APPL2: variants seen among roughly 807,000 people sequenced by gnomAD.
APPL2 encodes the protein DCC-interacting protein 13-beta.
APPL2 carries 84 observed loss-of-function variants against 92.7 expected under a neutral mutation model. That is an observed-to-expected ratio of 0.91 (90% CI 0.76 to 1.09). APPL2 has a LOEUF of 1.09. Among genes scored for constraint, APPL2 ranks in the 50% least tolerant of loss-of-function variants. The pLI, the probability that APPL2 is intolerant of heterozygous loss-of-function variation, is 0.00. For synonymous variants in APPL2, 291 were observed against 291.0 expected, an observed-to-expected ratio of 1.00 and a Z score of 0.00; for missense variants, 736 against 824.5, an observed-to-expected ratio of 0.89 and a Z score of 1.31.
At chr12:105,206,182 C>T (rs1004089411) in intron 8 of APPL2, among the ~76,000 whole-genome samples, 10 of 152,262 alleles carry the variant, frequency 6.6e-5, no homozygotes, top group African/African-American at 1.7e-4. Context: ...ATGACACTGA[C>T]GTGAAGTTTT....
intron 16 of APPL2, among the ~76,000 whole-genome samples, chr12:105,188,749 G>C (rs1295580262): frequency 6.6e-6 from 1 of 152,160 alleles, no homozygotes; most frequent in Non-Finnish European, 1.5e-5. Flanking sequence ...TGACTACATT[G>C]TACCTTTTCT....
intron 20 of APPL2, among the ~76,000 whole-genome samples, chr12:105,174,772 A>C (rs1158932206): frequency 6.6e-6 from 1 of 151,820 alleles, no homozygotes; most frequent in East Asian, 1.9e-4. Flanking sequence ...TCTATACCAG[A>C]AGTTGGCAAA....
At chr12:105,228,841 G>A (rs1393203464) in intron 2 of APPL2, among the ~76,000 whole-genome samples, 1 of 152,056 alleles carries the variant, frequency 6.6e-6, no homozygotes, top group Non-Finnish European at 1.5e-5. Context: ...GTAGGAAGAG[G>A]AGACTCAAAT....
Position 105,228,512 on chromosome 12 carries a change from A to T in APPL2, c.153+613T>A, listed in dbSNP as rs142699616. 3.9e-4 allele frequency among the ~76,000 whole-genome samples: 60 copies of T among 152,376 alleles called. 1 individual carries two copies. In the East Asian group the frequency reaches 0.011, roughly 27 times the overall value. On this transcript the variant is annotated intron_variant, in intron 2 of 20. Coordinates refer to ENST00000258530, the MANE Select transcript of APPL2 (RefSeq NM_018171.5). ...TTACCATAATATTGTGATGTGTTCA[A>T]TGCTTTGTAACATAAAGCATTTTAT... is the stretch of plus-strand genomic sequence containing the variant.
rs777900558 is a variant in APPL2 at position 105,211,243 on chromosome 12, T to TTCTC, written c.356_359dup (p.Lys121ArgfsTer18). 7.4e-5 allele frequency: 119 copies of TTCTC among 1,613,220 alleles called. No individual in the cohort carries two copies. The highest frequency in any genetic ancestry group is 1.7e-4 in the Admixed American group (10 of 60,030). On this transcript the variant is annotated frameshift_variant, in exon 5 of 21. Transcript: ENST00000258530. LOFTEE classifies it high-confidence loss of function. ...CAGTTACTTTACCTGTGAGATCCTTTTCTCGGAATTGTATGATAGGTAGAA... is the reference window on the plus strand; with the variant it reads ...CAGTTACTTTACCTGTGAGATCCTTTTCTCTCTCGGAATTGTATGATAGGTAGAA...
intron 2 of APPL2, among the ~76,000 whole-genome samples, chr12:105,224,196 C>G (rs1030476689): frequency 1.3e-5 from 2 of 152,220 alleles, no homozygotes; most frequent in Admixed American, 6.5e-5. Context: ...CTGCTCCCTC[C>G]GACCTTAAGC....
intron 17 of APPL2, among the ~76,000 whole-genome samples, chr12:105,178,213 CTGTAT>C (rs1192428055): frequency 6.6e-6 from 1 of 152,068 alleles, no homozygotes. Flanking sequence ...TAAATTTCTA[CTGTAT>C]TGTACTCGTG....
At chr12:105,234,329 G>C (rs1300958694) in intron 1 of APPL2, among the ~76,000 whole-genome samples, 3 of 152,162 alleles carry the variant, frequency 2.0e-5, no homozygotes, top group Admixed American at 1.3e-4. Context: ...TTAGGAAACT[G>C]AGCCAGCTAC....
At chr12:105,209,123 T>G (rs1889005422) in intron 5 of APPL2, among the ~76,000 whole-genome samples, 1 of 152,168 alleles carries the variant, frequency 6.6e-6, no homozygotes, top group Admixed American at 6.5e-5. Context: ...GTTTCTTTAC[T>G]TATCAATTTT....
At chr12:105,205,246 G>C (rs1215657445) in intron 8 of APPL2, among the ~76,000 whole-genome samples, 2 of 152,234 alleles carry the variant, frequency 1.3e-5, no homozygotes, top group Non-Finnish European at 2.9e-5. Flanking sequence ...TATTGAAGGA[G>C]CTATTGTTTC....
chr12:105,185,545 C>T (rs772638922), intron 17 of APPL2, among the ~76,000 whole-genome samples: 7 of 151,812 alleles, frequency 4.6e-5, no homozygotes, highest in South Asian at 2.1e-4. Flanking sequence ...CAATGCCGCA[C>T]GCTACTTCTG....
In APPL2 at chr12:105,208,041, C is replaced by T. The variant is rs1328898379; in HGVS notation, c.416-12G>A. 6.2e-7 allele frequency: 1 copy of T among 1,614,116 alleles called. No homozygotes were observed. Among genetic ancestry groups the T allele is most frequent in the Non-Finnish European group, 8.5e-7 (1 of 1,179,990 alleles). Reference sequence around the variant, plus strand: ...TGAGAGGTCATGCTCTAAAAATAAACAGACATCTGAACACCCAGGAGGGTC... The same window carrying T: ...TGAGAGGTCATGCTCTAAAAATAAATAGACATCTGAACACCCAGGAGGGTC... On this transcript the variant is annotated splice_polypyrimidine_tract_variant and intron_variant, in intron 6 of 20. Transcript: ENST00000258530.
In APPL2 at chr12:105,210,405, T is replaced by G. The variant is rs975015473; in HGVS notation, c.373+825A>C. Among the ~76,000 whole-genome samples the G allele has an allele frequency of 3.3e-5, 5 of 152,332 alleles. No individual in the cohort carries two copies. In the East Asian group the frequency reaches 9.6e-4, roughly 29 times the overall value. ...TTTAGCATTCAGGTTTAGGCTTTTT[T>G]GGGGCCAGCAACTTGTTTATATCAG... On this transcript the variant is annotated intron_variant, in intron 5 of 20. Coordinates refer to ENST00000258530, the MANE Select transcript of APPL2 (RefSeq NM_018171.5).
chr12:105,214,490 T>G (rs1341965008), intron 4 of APPL2, among the ~76,000 whole-genome samples: 1 of 152,274 alleles, frequency 6.6e-6, no homozygotes, highest in South Asian at 2.1e-4. Flanking sequence ...ACATCTTCTA[T>G]GTATCTTTTA....
At chr12:105,189,041 C>A (rs897808423) in intron 16 of APPL2, among the ~76,000 whole-genome samples, 2 of 152,038 alleles carry the variant, frequency 1.3e-5, no homozygotes, top group African/African-American at 4.8e-5. Flanking sequence ...TTTTTTGAGA[C>A]AGGGTCTCAC....
chr12:105,205,872 G>A (rs1373391794), intron 8 of APPL2, among the ~76,000 whole-genome samples: 1 of 152,252 alleles, frequency 6.6e-6, no homozygotes, highest in Non-Finnish European at 1.5e-5. Flanking sequence ...CACCTGGACA[G>A]CTCCCAAGAT....
chr12:105,229,843 A>T, intron 1 of APPL2: 1 of 825,352 alleles, frequency 1.2e-6, no homozygotes, highest in Non-Finnish European at 1.5e-6. Flanking sequence ...CAATGGTGCG[A>T]TCTCGGCTCA....
chr12:105,201,924 T>TC (rs1888244457), intron 9 of APPL2, among the ~76,000 whole-genome samples: 1 of 151,902 alleles, frequency 6.6e-6, no homozygotes, highest in Non-Finnish European at 1.5e-5. Context: ...TGTGGCATCA[T>TC]CCCCCGGGGA....
At chr12:105,213,261 T>C (rs762342613) in intron 4 of APPL2, among the ~76,000 whole-genome samples, 16 of 152,184 alleles carry the variant, frequency 1.1e-4, no homozygotes, top group Non-Finnish European at 2.2e-4. Context: ...GGTTATGTCA[T>C]CAGCTTTTAA....
Sources: allele counts gnomAD v4.1 joint callset (sites outside exome capture counted in the v4.1 genomes callset), GRCh38; gene constraint gnomAD v4.1.1; transcripts MANE v1.5; gene names NCBI Gene and HGNC (gene_info 2026-07-23, HGNC 2026-07-21).